RBFOX1: variants seen among roughly 807,000 people sequenced by gnomAD.
RBFOX1 encodes RNA binding fox-1 homolog 1.
RBFOX1 carries 8 observed loss-of-function variants against 57.7 expected under a neutral mutation model. The observed-to-expected ratio is 0.14, with a 90% CI of 0.08 to 0.25. RBFOX1 has a LOEUF of 0.25. Among genes scored for constraint, RBFOX1 ranks in the 10% least tolerant of loss-of-function variants. The pLI is 1.00. For missense variants in RBFOX1, 611 were observed against 548.5 expected (o/e 1.11, Z -1.14); for synonymous variants, 326 against 222.4 (o/e 1.47, Z -4.15).
At chr16:7,045,255 T>A (rs2047510952) in intron 3 of RBFOX1, among the ~76,000 whole-genome samples, 1 of 152,070 alleles carries the variant, frequency 6.6e-6, no homozygotes, top group Non-Finnish European at 1.5e-5. Flanking sequence ...ACTAATAATT[T>A]ATGAAATGGA....
chr16:7,699,593 C>G lies in RBFOX1; in HGVS notation c.996-9463C>G, dbSNP rs1002078625. Among the ~76,000 whole-genome samples, 5 of 152,256 alleles carry G rather than the reference C, an allele frequency of 3.3e-5. No homozygotes were observed. The South Asian group carries it at 8.3e-4, about 25-fold the overall frequency. On this transcript the variant is annotated intron_variant, in intron 14 of 15. Coordinates refer to ENST00000550418, the MANE Select transcript of RBFOX1 (RefSeq NM_018723.4). ...CCCTTGAGATGTGGCCAGTCCACAC[C>G]AGGATGAGTTGTAAGTAAAAAATGC...
At chr16:5,940,024 T>G (rs113751457) in intron 4 of RBFOX1, among the ~76,000 whole-genome samples, 1,688 of 152,344 alleles carry the variant, frequency 0.011, 42 homozygotes, top group African/African-American at 0.039. Context: ...GATGCCATCT[T>G]CCTTACAGGA....
rs760817723 is a variant in RBFOX1, at chr16:5,435,621, G to C, written c.220-31595G>C. 9.9e-5 allele frequency among the ~76,000 whole-genome samples: 15 copies of C among 152,164 alleles called. 1 individual carries two copies. The highest frequency in any genetic ancestry group is 1.8e-4 in the Non-Finnish European group (12 of 68,022). Reference sequence around the variant, plus strand: ...CAGGAGGGCCACCTCACTCTGTCTAGTTCTTGCGTCACCATAGGTCCCATG... The same window carrying C: ...CAGGAGGGCCACCTCACTCTGTCTACTTCTTGCGTCACCATAGGTCCCATG... On this transcript the variant is annotated intron_variant, in intron 1 of 2. Transcript: ENST00000585867.
At chr16:5,277,040 C>T (rs1455671164) in intron 1 of RBFOX1, among the ~76,000 whole-genome samples, 1 of 152,090 alleles carries the variant, frequency 6.6e-6, no homozygotes, top group Non-Finnish European at 1.5e-5. Flanking sequence ...ATAGAACCAG[C>T]CCAAATGCCC....
rs373542310 is a variant in RBFOX1 at position 7,508,915 on chromosome 16, T to C, written c.28-9232T>C. 6.6e-5 allele frequency among the ~76,000 whole-genome samples: 10 copies of C among 152,316 alleles called. No homozygotes were observed. In the East Asian group the frequency reaches 1.5e-3, roughly 24 times the overall value. On this transcript the variant is annotated intron_variant, in intron 4 of 15. Coordinates refer to ENST00000550418, the MANE Select transcript of RBFOX1 (RefSeq NM_018723.4). ...GATAAGCAGCTATCTGTAGGAACGG[T>C]GCATGGGACTCTCAAAACCTCTCCC...
intron 3 of RBFOX1, among the ~76,000 whole-genome samples, chr16:6,847,237 C>G (rs1442803632): frequency 6.6e-6 from 1 of 152,134 alleles, no homozygotes; most frequent in African/African-American, 2.4e-5. Context: ...TGATATACAA[C>G]ATGTATCTCT....
chr16:6,644,670 A>G (rs961093055), intron 2 of RBFOX1, among the ~76,000 whole-genome samples: 3 of 152,164 alleles, frequency 2.0e-5, no homozygotes, highest in East Asian at 3.9e-4. Context: ...TTTTCTTTCC[A>G]TTGCTCTTCC....
intron 2 of RBFOX1, among the ~76,000 whole-genome samples, chr16:6,367,953 C>T (rs1477132545): frequency 1.3e-5 from 2 of 152,084 alleles, no homozygotes; most frequent in African/African-American, 4.8e-5. Context: ...TAGGACAATC[C>T]AATGTCAGTA....
intron 5 of RBFOX1, among the ~76,000 whole-genome samples, chr16:7,557,942 A>G (rs1417485838): frequency 6.6e-6 from 1 of 152,178 alleles, no homozygotes; most frequent in Non-Finnish European, 1.5e-5. Context: ...ATCACGCAGT[A>G]TTTCCACCAT....
chr16:5,535,426 A>G lies in RBFOX1; in HGVS notation c.259-63476A>G, dbSNP rs1238136761. 2.6e-5 allele frequency among the ~76,000 whole-genome samples: 4 copies of G among 152,344 alleles called. No individual in the cohort carries two copies. In the East Asian group the frequency reaches 5.8e-4, roughly 22 times the overall value. On this transcript the variant is annotated intron_variant, in intron 2 of 2. Coordinates refer to the RBFOX1 transcript ENST00000585867. ...AAAAATGTAGTAGTGGGATAGGCAC[A>G]GGATAAAAGTGACAGGCATTCTGAT...
intron 1 of RBFOX1, among the ~76,000 whole-genome samples, chr16:6,181,671 G>A (rs34166656): frequency 3.9e-5 from 6 of 152,272 alleles, no homozygotes; most frequent in East Asian, 1.9e-4. Context: ...GAAGTCTTAC[G>A]TGAAGCCATT....
At chr16:7,019,355 C>A (rs1352677238) in intron 3 of RBFOX1, among the ~76,000 whole-genome samples, 1 of 151,936 alleles carries the variant, frequency 6.6e-6, no homozygotes, top group African/African-American at 2.4e-5. Flanking sequence ...GGAGTAAGAC[C>A]TTTTAGCTGA....
Position 6,901,537 on chromosome 16 carries a change from C to T in RBFOX1, c.-15-150520C>T, listed in dbSNP as rs189637902. On this transcript the variant is annotated intron_variant, in intron 3 of 15. Transcript: ENST00000550418. ...AAGTTCATGTCTAGTTAAGCAAATC[C>T]AGAGAAGATTTTTGTTTATGTAGTG... is the stretch of plus-strand genomic sequence containing the variant. Among the ~76,000 whole-genome samples, 54 of 152,244 alleles carry T rather than the reference C, an allele frequency of 3.5e-4. No homozygotes were observed. The East Asian group carries it at 9.8e-3, about 28-fold the overall frequency.
At chr16:6,667,610 G>A (rs935445127) in intron 3 of RBFOX1, among the ~76,000 whole-genome samples, 1 of 152,096 alleles carries the variant, frequency 6.6e-6, no homozygotes, top group Admixed American at 6.5e-5. Context: ...GGCTGGGCAC[G>A]GTGGCTCATG....
chr16:7,069,759 TA>T (rs1394576153), intron 4 of RBFOX1, among the ~76,000 whole-genome samples: 1 of 152,134 alleles, frequency 6.6e-6, no homozygotes, highest in Non-Finnish European at 1.5e-5. Context: ...ACAATGGGAT[TA>T]AGCCCCAGTT....
At chr16:7,466,378 C>T (rs1196849331) in intron 4 of RBFOX1, among the ~76,000 whole-genome samples, 3 of 152,178 alleles carry the variant, frequency 2.0e-5, no homozygotes, top group Non-Finnish European at 4.4e-5. Context: ...ACTGCATTAT[C>T]TCATTAAATT....
At chr16:6,774,010 C>T (rs2078908209) in intron 3 of RBFOX1, 2 of 985,078 alleles carry the variant, frequency 2.0e-6, no homozygotes, top group African/African-American at 3.5e-5. Flanking sequence ...TCCTCAGAGA[C>T]CAGGTAATCA....
chr16:7,608,012 G>A (rs901182747), intron 10 of RBFOX1, among the ~76,000 whole-genome samples: 1 of 152,268 alleles, frequency 6.6e-6, no homozygotes, highest in African/African-American at 2.4e-5. Flanking sequence ...TTCATGTCTC[G>A]ATGTCCTCGG....
intron 3 of RBFOX1, among the ~76,000 whole-genome samples, chr16:6,939,256 A>G (rs1006206331): frequency 6.6e-6 from 1 of 152,196 alleles, no homozygotes; most frequent in Non-Finnish European, 1.5e-5. Flanking sequence ...CTTCTCAAAT[A>G]TTGCAGACAT....
Sources: gnomAD v4.1 joint callset for allele counts (sites outside exome capture counted in the v4.1 genomes callset) on GRCh38, gnomAD v4.1.1 for gene constraint, MANE v1.5 for transcripts, NCBI Gene and HGNC (gene_info 2026-07-23, HGNC 2026-07-21) for gene names.